The following NKAIN2 variants were observed in gnomAD, a reference collection of about 807,000 sequenced individuals.
The protein encoded by NKAIN2 is sodium/potassium transporting ATPase interacting 2, also known as sodium/potassium-transporting ATPase subunit beta-1-interacting protein 2.
In NKAIN2, 14 loss-of-function variants were observed where a neutral mutation model predicts 32.6. The observed-to-expected ratio is 0.43, with a 90% confidence interval of 0.28 to 0.67. The LOEUF (loss-of-function observed/expected upper bound fraction) is 0.67, where lower values mean the gene tolerates loss of function less well. Among genes scored for constraint, NKAIN2 ranks in the 30% least tolerant of loss-of-function variants. The probability of loss-of-function intolerance (pLI) is 0.17; values close to 1 mark genes in which losing one functional copy is unlikely to be tolerated. For missense variants in NKAIN2, 198 were observed against 258.3 expected (o/e 0.77, Z 1.60); for synonymous variants, 80 against 87.2 (o/e 0.92, Z 0.46).
chr6:123,877,977 A>C (rs1449301689), intron 1 of NKAIN2, among the ~76,000 whole-genome samples: 1 of 152,226 alleles, frequency 6.6e-6, no homozygotes, highest in Non-Finnish European at 1.5e-5. Context: ...CTGTAATCCC[A>C]GCACTTTGGG....
intron 1 of NKAIN2, among the ~76,000 whole-genome samples, chr6:123,853,163 A>G (rs768041644): frequency 9.8e-5 from 15 of 152,342 alleles, no homozygotes; most frequent in Non-Finnish European, 1.9e-4. Context: ...TCAGTTTCCT[A>G]TAACTGTTTA....
intron 3 of NKAIN2, among the ~76,000 whole-genome samples, chr6:124,590,488 A>C (rs1781870694): frequency 7.0e-6 from 1 of 143,690 alleles, no homozygotes; most frequent in Non-Finnish European, 1.5e-5. Context: ...GAGATCTCAA[A>C]GACAAGGGGA....
intron 1 of NKAIN2, among the ~76,000 whole-genome samples, chr6:124,175,159 T>G (rs1789093673): frequency 1.3e-5 from 2 of 152,128 alleles, no homozygotes; most frequent in Admixed American, 6.5e-5. Flanking sequence ...TTCTTTGCAC[T>G]TTACTTCTGT....
intron 4 of NKAIN2, among the ~76,000 whole-genome samples, chr6:124,751,096 C>G (rs1777698179): frequency 6.6e-6 from 1 of 151,960 alleles, no homozygotes; most frequent in African/African-American, 2.4e-5. Flanking sequence ...TGGCCTTATG[C>G]AAAGTTAAAG....
At chr6:124,130,996 T>C (rs1786446044) in intron 1 of NKAIN2, among the ~76,000 whole-genome samples, 2 of 152,166 alleles carry the variant, frequency 1.3e-5, no homozygotes, top group Non-Finnish European at 2.9e-5. Context: ...TGAGGTCCTA[T>C]TAAATTTTGC....
intron 2 of NKAIN2, among the ~76,000 whole-genome samples, chr6:124,349,182 A>G (rs546628511): frequency 4.5e-4 from 69 of 152,174 alleles, no homozygotes; most frequent in African/African-American, 1.6e-3. Context: ...GGTGCAAAGG[A>G]AAAAAGGGAA....
At chr6:123,879,753 A>T (rs1294678116) in intron 1 of NKAIN2, among the ~76,000 whole-genome samples, 1 of 152,222 alleles carries the variant, frequency 6.6e-6, no homozygotes, top group Admixed American at 6.5e-5. Context: ...GGCTGTTTCC[A>T]GTGTACCTTT....
chr6:124,194,534 C>A (rs954067593), intron 1 of NKAIN2, among the ~76,000 whole-genome samples: 1 of 151,814 alleles, frequency 6.6e-6, no homozygotes, highest in African/African-American at 2.4e-5. Context: ...ACTTGATTTT[C>A]GTACATTCCT....
intron 1 of NKAIN2, among the ~76,000 whole-genome samples, chr6:123,859,037 A>C (rs1775674398): frequency 1.3e-5 from 2 of 152,188 alleles, no homozygotes; most frequent in Admixed American, 1.3e-4. Context: ...TATGTACATA[A>C]ATTACTAGAA....
chr6:124,821,205 G>A (rs1231807730), intron 6 of NKAIN2, among the ~76,000 whole-genome samples: 1 of 151,614 alleles, frequency 6.6e-6, no homozygotes, highest in Non-Finnish European at 1.5e-5. Context: ...TGAGGCAGGA[G>A]AATCTCTGGA....
At chr6:124,804,710 G>A (rs182875740) in intron 5 of NKAIN2, among the ~76,000 whole-genome samples, 39 of 152,206 alleles carry the variant, frequency 2.6e-4, no homozygotes, top group Admixed American at 7.8e-4. Flanking sequence ...CTCGGGAAGC[G>A]CAAGGGATCA....
rs186980943 is a variant in NKAIN2, at chr6:124,575,819, T to G, written c.274-82367T>G. Among the ~76,000 whole-genome samples the G allele has an allele frequency of 1.4e-4, 22 of 152,332 alleles. 1 individual carries two copies. The highest frequency in any genetic ancestry group is 5.1e-4 in the African/African-American group (21 of 41,570). ...TTTCAATATCTCAAAGTGTGGTCCA[T>G]GAACCCCTGGAAGTCCCTGAGACCT... On this transcript the variant is annotated intron_variant, in intron 3 of 6. Coordinates refer to ENST00000368417, the MANE Select transcript of NKAIN2 (RefSeq NM_001040214.3).
intron 3 of NKAIN2, among the ~76,000 whole-genome samples, chr6:124,357,754 C>T (rs1799055545): frequency 6.6e-6 from 1 of 151,904 alleles, no homozygotes; most frequent in African/African-American, 2.4e-5. Context: ...ATTTTTGTTA[C>T]CTGATTAGAG....
intron 1 of NKAIN2, among the ~76,000 whole-genome samples, chr6:123,888,926 G>C (rs1341356666): frequency 6.6e-6 from 1 of 152,092 alleles, no homozygotes; most frequent in African/African-American, 2.4e-5. Context: ...TTCAGCTCTG[G>C]CTGCTTTTAA....
chr6:124,286,681 C>CGTGT (rs142033167), intron 2 of NKAIN2, among the ~76,000 whole-genome samples: 4 of 130,670 alleles, frequency 3.1e-5, no homozygotes, highest in South Asian at 2.3e-4. Context: ...TGTGCGCGCG[C>CGTGT]GTGTGTGTGT....
intron 1 of NKAIN2, among the ~76,000 whole-genome samples, chr6:123,974,978 A>G (rs1337305995): frequency 6.6e-6 from 1 of 152,174 alleles, no homozygotes; most frequent in African/African-American, 2.4e-5. Context: ...ATCATTAAAG[A>G]ATTAATTTTC....
chr6:123,997,017 C>T (rs1009851091), intron 1 of NKAIN2, among the ~76,000 whole-genome samples: 3 of 151,994 alleles, frequency 2.0e-5, no homozygotes, highest in Non-Finnish European at 4.4e-5. Context: ...TAGATTTTGT[C>T]CTTAAAATAA....
chr6:124,676,158 C>T (rs1773345908), intron 4 of NKAIN2, among the ~76,000 whole-genome samples: 1 of 152,010 alleles, frequency 6.6e-6, no homozygotes, highest in African/African-American at 2.4e-5. Context: ...CTGTTGATTT[C>T]TAGCTTCATT....
At chr6:124,680,954 A>G (rs528953270) in intron 4 of NKAIN2, among the ~76,000 whole-genome samples, 16 of 152,120 alleles carry the variant, frequency 1.1e-4, no homozygotes, top group Admixed American at 8.5e-4. Flanking sequence ...ATAAAAAATA[A>G]TCCAAAATAT....
Sources: allele counts gnomAD v4.1 joint callset (sites outside exome capture counted in the v4.1 genomes callset), GRCh38; gene constraint gnomAD v4.1.1; transcripts MANE v1.5; gene names NCBI Gene and HGNC (gene_info 2026-07-23, HGNC 2026-07-21).